Variants in TMEM168 observed in about 807,000 individuals in gnomAD.
TMEM168 encodes transmembrane protein 168.
A neutral mutation model predicts 53.2 loss-of-function variants in TMEM168; 40 were observed. The observed-to-expected ratio is 0.75, with a 90% CI of 0.58 to 0.98. TMEM168 has a LOEUF of 0.98. Among genes scored for constraint, TMEM168 ranks in the 50% least tolerant of loss-of-function variants. The probability of loss-of-function intolerance (pLI) is 0.00; values close to 1 mark genes in which losing one functional copy is unlikely to be tolerated. For missense variants in TMEM168, 771 were observed against 828.8 expected, an observed-to-expected ratio of 0.93 and a Z score of 0.86; for synonymous variants, 282 against 293.0, an observed-to-expected ratio of 0.96 and a Z score of 0.38.
At chr7:112,779,915 G>A (rs780692071) in intron 2 of TMEM168, among the ~76,000 whole-genome samples, 1 of 152,076 alleles carries the variant, frequency 6.6e-6, no homozygotes, top group Non-Finnish European at 1.5e-5. Flanking sequence ...AACATACATA[G>A]AAGTCTAAAG....
intron 3 of TMEM168, among the ~76,000 whole-genome samples, chr7:112,774,585 C>CTT (rs1158081885): frequency 1.5e-4 from 21 of 143,160 alleles, no homozygotes; most frequent in East Asian, 1.0e-3. Context: ...TGCTTTTTTC[C>CTT]TTTTTTTTTT....
At position 112,790,356 on chromosome 7, in the gene TMEM168, C is replaced by G. The variant is rs896448566; in HGVS notation, c.-325G>C. The G allele has an allele frequency of 6.6e-6, 1 of 152,288 alleles. No homozygotes were observed. The highest frequency in any genetic ancestry group is 1.5e-5 in the Non-Finnish European group (1 of 68,082). 9.4% of individuals were successfully genotyped at this position (152,288 alleles called of 1,614,324 possible). A position where few individuals can be genotyped will look rare whatever the true frequency, so the allele number is the denominator to read the frequency against. On this transcript the variant is annotated 5_prime_UTR_variant, in exon 1 of 5. Coordinates refer to ENST00000312814, the MANE Select transcript of TMEM168 (RefSeq NM_022484.6). Reference sequence around the variant, plus strand: ...GGCGTAAACTTTCTCCGTTACCGGCCCGGCCGCGACCGCCATGTTTCCGCC... The same window carrying G: ...GGCGTAAACTTTCTCCGTTACCGGCGCGGCCGCGACCGCCATGTTTCCGCC...
intron 4 of TMEM168, among the ~76,000 whole-genome samples, chr7:112,769,823 TCAAG>T (rs1273071800): frequency 1.3e-5 from 2 of 152,138 alleles, no homozygotes; most frequent in African/African-American, 4.8e-5. Context: ...TTTTCTATCC[TCAAG>T]CAGAGGCAAA....
At chr7:112,775,602 A>G (rs866956573) in intron 2 of TMEM168, among the ~76,000 whole-genome samples, 2,854 of 139,768 alleles carry the variant, frequency 0.02, 90 homozygotes, top group African/African-American at 0.084. Flanking sequence ...CCAGACGAGA[A>G]AAAAAAAAAA....
In TMEM168 at chr7:112,784,325, A is replaced by C; in HGVS notation, c.501T>G (p.Ile167Met). Reference sequence around the variant, plus strand: ...TCTCCACCAACATAGTTGTGCTGGCAATGGCAAATCCAACAAGCTCCAGAA... The same window carrying C: ...TCTCCACCAACATAGTTGTGCTGGCCATGGCAAATCCAACAAGCTCCAGAA... ...VEFLELVGFAIASTTMLVEKS... is the reference protein window; with the variant it reads ...VEFLELVGFAMASTTMLVEKS... Residue 167 changes from isoleucine (I) to methionine (M), a missense_variant, in exon 2 of 5, where the codon ATT (isoleucine) becomes ATG (methionine). Physicochemically the swap from Ile to Met is conservative, Grantham distance 10. Transcript: ENST00000312814. The C allele has an allele frequency of 6.2e-7, 1 of 1,614,218 alleles. No individual in the cohort carries two copies. The highest frequency in any genetic ancestry group is 8.5e-7 in the Non-Finnish European group (1 of 1,180,024).
chr7:112,789,982 G>A (rs1378285846), intron 1 of TMEM168, among the ~76,000 whole-genome samples, 178 bp downstream of exon 1: 1 of 152,184 alleles, frequency 6.6e-6, no homozygotes, highest in Non-Finnish European at 1.5e-5. Flanking sequence ...GCGAAATACG[G>A]AGAGGCGCTC....
chr7:112,775,473 C>A (rs1202597581), intron 2 of TMEM168, among the ~76,000 whole-genome samples, 155 bp from the exon 3 acceptor site: 1 of 151,914 alleles, frequency 6.6e-6, no homozygotes, highest in Non-Finnish European at 1.5e-5. Flanking sequence ...AAAGCAGACA[C>A]GTATACATGG....
At chr7:112,772,408 A>G (rs1227169) in intron 4 of TMEM168, among the ~76,000 whole-genome samples, 4,841 of 152,292 alleles carry the variant, frequency 0.032, 247 homozygotes, top group African/African-American at 0.11. Flanking sequence ...GCTTTATAAC[A>G]TAAATAAAAC....
intron 2 of TMEM168, chr7:112,778,105 C>T (rs1453685725): frequency 1.3e-5 from 2 of 152,164 alleles, no homozygotes; most frequent in East Asian, 3.9e-4. Flanking sequence ...ACCACTTAAT[C>T]CCAGGTTGAA....
Position 112,783,812 on chromosome 7 carries a change from A to G in TMEM168, c.1014T>C (p.Asn338=). The change falls in exon 2 of 5, where the codon AAT becomes AAC. Residue 338 remains asparagine, a synonymous_variant. Coordinates refer to ENST00000312814, the MANE Select transcript of TMEM168 (RefSeq NM_022484.6). ...KVYFTHRTDY[N]SLDRIMASKG... ...TGGATGCCATGATTCTATCAAGGCTATTGTAATCTGTCCTGTGAGTAAAAT... is the reference window on the plus strand; with the variant it reads ...TGGATGCCATGATTCTATCAAGGCTGTTGTAATCTGTCCTGTGAGTAAAAT... 6.2e-7 allele frequency: 1 copy of G among 1,607,088 alleles called. No individual in the cohort carries two copies. Among genetic ancestry groups the G allele is most frequent in the East Asian group, 2.2e-5 (1 of 44,740 alleles).
At position 112,774,817 on chromosome 7, in the gene TMEM168, G is replaced by A. The variant is rs186272599; in HGVS notation, c.1271+359C>T. On this transcript the variant is annotated intron_variant, in intron 3 of 4. Transcript: ENST00000312814. Reference sequence around the variant, plus strand: ...GCTGGTCTCGAACTCCTGACCTCAGGTGATCCGCCCGCCTCGGCCTCCTAA... The same window carrying A: ...GCTGGTCTCGAACTCCTGACCTCAGATGATCCGCCCGCCTCGGCCTCCTAA... Among the ~76,000 whole-genome samples the A allele has an allele frequency of 4.7e-4, 72 of 152,058 alleles. 1 individual carries two copies. In the East Asian group the frequency reaches 0.012, roughly 25 times the overall value.
rs1792693636 is a variant in TMEM168, at chr7:112,762,745, G to A, written c.*4452C>T. On this transcript the variant is annotated 3_prime_UTR_variant, in exon 5 of 5. Coordinates refer to ENST00000312814, the MANE Select transcript of TMEM168 (RefSeq NM_022484.6). ...AGTTTTCAATTTTCAGTCAACTTTG[G>A]TCTAAGTAATAATAACAATATTTCC... 6.6e-6 allele frequency: 1 copy of A among 151,948 alleles called. No individual in the cohort carries two copies. Among genetic ancestry groups the A allele is most frequent in the South Asian group, 2.1e-4 (1 of 4,832 alleles). 9.4% of individuals were successfully genotyped at this position (151,948 alleles called of 1,614,324 possible). A position where few individuals can be genotyped will look rare whatever the true frequency, so the allele number is the denominator to read the frequency against.
Position 112,784,053 on chromosome 7 carries a change from C to G in TMEM168, c.773G>C (p.Arg258Pro), listed in dbSNP as rs763480177. 1 of 1,611,440 alleles carries G rather than the reference C, an allele frequency of 6.2e-7. No individual in the cohort carries two copies. Among genetic ancestry groups the G allele is most frequent in the South Asian group, 1.1e-5 (1 of 89,960 alleles). The change falls in exon 2 of 5, where the codon CGT (arginine) becomes CCT (proline). Residue 258 changes from arginine to proline, a missense_variant. Coordinates refer to ENST00000312814, the MANE Select transcript of TMEM168 (RefSeq NM_022484.6). ...TGAAAGTCTTCTGCAAATTCTTCCA[C>G]GGTACAAAAAGGGTTTCCATCTTTC... is the stretch of plus-strand genomic sequence containing the variant. ...VTERWKPFLY[R>P]GRICRRLSVV...
chr7:112,770,286 G>A (rs1320482664), intron 4 of TMEM168, among the ~76,000 whole-genome samples: 1 of 152,162 alleles, frequency 6.6e-6, no homozygotes, highest in Non-Finnish European at 1.5e-5. Flanking sequence ...CTCAGGCCAT[G>A]CATGACAGTA....
At chr7:112,774,182 G>T (rs1046475143) in intron 3 of TMEM168, among the ~76,000 whole-genome samples, 1 of 152,078 alleles carries the variant, frequency 6.6e-6, no homozygotes, top group Non-Finnish European at 1.5e-5. Context: ...AAGGTAGTTA[G>T]CTATAAAATA....
At position 112,763,810 on chromosome 7, in the gene TMEM168, C is replaced by A. The variant is rs1300713249; in HGVS notation, c.*3387G>T. ...TAAAGATTTTACTCAAAACAAAAAT[C>A]TACCCACTAATGCATTAAATATAAG... is the stretch of plus-strand genomic sequence containing the variant. On this transcript the variant is annotated 3_prime_UTR_variant, in exon 5 of 5. Coordinates refer to ENST00000312814, the MANE Select transcript of TMEM168 (RefSeq NM_022484.6). 6.6e-6 allele frequency: 1 copy of A among 152,108 alleles called. No homozygotes were observed. Among genetic ancestry groups the A allele is most frequent in the Non-Finnish European group, 1.5e-5 (1 of 67,994 alleles). 9.4% of individuals were successfully genotyped at this position (152,108 alleles called of 1,614,324 possible). A position where few individuals can be genotyped will look rare whatever the true frequency, so the allele number is the denominator to read the frequency against.
At position 112,784,897 on chromosome 7, in the gene TMEM168, T is replaced by C. The variant is rs1584452527; in HGVS notation, c.-72A>G. On this transcript the variant is annotated 5_prime_UTR_variant, in exon 2 of 5. Coordinates refer to ENST00000312814, the MANE Select transcript of TMEM168 (RefSeq NM_022484.6). ...CTTGTATTTCATCCAGTATATCCAATGTATCCGCAACTCCTATTTCAACAT... is the reference window on the plus strand; with the variant it reads ...CTTGTATTTCATCCAGTATATCCAACGTATCCGCAACTCCTATTTCAACAT... The C allele has an allele frequency of 7.4e-7, 1 of 1,357,424 alleles. No homozygotes were observed. Among genetic ancestry groups the C allele is most frequent in the Non-Finnish European group, 9.7e-7 (1 of 1,029,658 alleles). The allele number at this position is 1,357,424 out of a possible 1,614,324, so 84.1% of individuals were successfully genotyped here.
chr7:112,775,601 A>G (rs10256800), intron 2 of TMEM168, among the ~76,000 whole-genome samples: 25,736 of 131,918 alleles, frequency 0.2, 2,367 homozygotes, highest in Middle Eastern at 0.41. Flanking sequence ...TCCAGACGAG[A>G]AAAAAAAAAA....
intron 2 of TMEM168, among the ~76,000 whole-genome samples, chr7:112,781,440 C>A (rs1359599661): frequency 2.0e-5 from 3 of 152,042 alleles, no homozygotes; most frequent in Non-Finnish European, 4.4e-5. Context: ...TGAGAAACTT[C>A]CAAATATTAG....
Sources: allele counts gnomAD v4.1 joint callset (sites outside exome capture counted in the v4.1 genomes callset), GRCh38; gene constraint gnomAD v4.1.1; transcripts MANE v1.5; gene names NCBI Gene and HGNC (gene_info 2026-07-23, HGNC 2026-07-21).